Variants in HNF4G observed in about 807,000 individuals in gnomAD.
HNF4G encodes hepatocyte nuclear factor 4-gamma.
A neutral mutation model predicts 50.9 loss-of-function variants in HNF4G; 21 were observed. The ratio of observed to expected loss-of-function variants is 0.41; its 90% CI spans 0.29 to 0.59. The LOEUF (loss-of-function observed/expected upper bound fraction) is 0.59, where lower values mean the gene tolerates loss of function less well. HNF4G is among the 20% of genes least tolerant of loss of function. The probability of loss-of-function intolerance (pLI) is 0.26; values close to 1 mark genes in which losing one functional copy is unlikely to be tolerated. For synonymous variants in HNF4G, 198 were observed against 185.6 expected (o/e 1.07, Z -0.54); for missense variants, 527 against 559.4 (o/e 0.94, Z 0.58).
intron 1 of HNF4G, among the ~76,000 whole-genome samples, chr8:75,479,823 GAT>G (rs1812333580): frequency 6.6e-6 from 1 of 151,954 alleles, no homozygotes; most frequent in Non-Finnish European, 1.5e-5. Context: ...ATTTCCAGAA[GAT>G]TATCCATCAC....
intron 1 of HNF4G, 39 bp from the exon 2 acceptor site, chr8:75,543,772 G>C (rs761091120): frequency 4.0e-5 from 61 of 1,543,034 alleles, no homozygotes; most frequent in Non-Finnish European, 5.0e-5. Context: ...TCAGGAAATA[G>C]TACTAACTCT....
chr8:75,494,157 C>A (rs2977914), intron 2 of HNF4G, among the ~76,000 whole-genome samples: 34,581 of 151,946 alleles, frequency 0.23, 5,131 homozygotes, highest in African/African-American at 0.42. Flanking sequence ...AACATCAAAC[C>A]TTCCTGCAAA....
chr8:75,546,372 T>C (rs1282856247), intron 2 of HNF4G, among the ~76,000 whole-genome samples: 1 of 152,144 alleles, frequency 6.6e-6, no homozygotes, highest in Non-Finnish European at 1.5e-5. Flanking sequence ...GTACTCTTTT[T>C]TATGTGTTTG....
intron 1 of HNF4G, among the ~76,000 whole-genome samples, chr8:75,470,126 G>C (rs1812079835): frequency 6.6e-6 from 1 of 152,190 alleles, no homozygotes; most frequent in Non-Finnish European, 1.5e-5. Flanking sequence ...CCAGAGCAAA[G>C]TAGGGTGTAA....
intron 2 of HNF4G, among the ~76,000 whole-genome samples, chr8:75,499,275 T>C (rs1812862221): frequency 6.6e-6 from 1 of 151,972 alleles, no homozygotes; most frequent in African/African-American, 2.4e-5. Context: ...AATAATTTCA[T>C]TAACAATAGC....
Position 75,566,415 on chromosome 8 carries a change from G to A in HNF4G, c.*2319G>A, listed in dbSNP as rs1424250209. On this transcript the variant is annotated 3_prime_UTR_variant, in exon 10 of 10. Coordinates refer to ENST00000396423, the MANE Select transcript of HNF4G (RefSeq NM_004133.5). ...GTATAAAAGATAAAATTCATTTTTA[G>A]TGAACCCTGTAATTTATTCGTGTAT... 6.6e-6 allele frequency: 1 copy of A among 152,498 alleles called. No individual in the cohort carries two copies. Among genetic ancestry groups the A allele is most frequent in the East Asian group, 1.9e-4 (1 of 5,190 alleles). The allele number at this position is 152,498 out of a possible 1,614,324, so 9.4% of individuals were successfully genotyped here.
At chr8:75,438,512 C>A (rs1185492921) in intron 1 of HNF4G, among the ~76,000 whole-genome samples, 1 of 152,020 alleles carries the variant, frequency 6.6e-6, no homozygotes, top group Non-Finnish European at 1.5e-5. Context: ...TTGATTAATT[C>A]CTTTCTTTCC....
intron 1 of HNF4G, among the ~76,000 whole-genome samples, chr8:75,451,118 C>G (rs1367426223): frequency 2.0e-5 from 3 of 152,120 alleles, no homozygotes; most frequent in Non-Finnish European, 2.9e-5. Flanking sequence ...ACTCCATTGG[C>G]CATGTGTATG....
chr8:75,453,050 A>T (rs1585857360), intron 1 of HNF4G, among the ~76,000 whole-genome samples: 1 of 152,228 alleles, frequency 6.6e-6, no homozygotes, highest in African/African-American at 2.4e-5. Context: ...CAATCATGTC[A>T]GGCCTTCTTA....
At chr8:75,517,466 G>A (rs1805922603) in intron 2 of HNF4G, among the ~76,000 whole-genome samples, 2 of 152,120 alleles carry the variant, frequency 1.3e-5, no homozygotes, top group Admixed American at 6.5e-5. Context: ...ATACGATGGG[G>A]GTACAGGCAT....
intron 1 of HNF4G, among the ~76,000 whole-genome samples, chr8:75,422,670 GTCACCCAGGC>G (rs1349724506): frequency 6.8e-6 from 1 of 147,856 alleles, no homozygotes; most frequent in Admixed American, 6.8e-5. Flanking sequence ...GTCTCACTCT[GTCACCCAGGC>G]TGGAGTGCGG....
At chr8:75,498,079 T>A (rs1391607407) in intron 2 of HNF4G, among the ~76,000 whole-genome samples, 1 of 152,094 alleles carries the variant, frequency 6.6e-6, no homozygotes, top group African/African-American at 2.4e-5. Flanking sequence ...AAGATATGCT[T>A]AATGCAAGAG....
At chr8:75,533,095 A>G (rs906308620) in intron 2 of HNF4G, among the ~76,000 whole-genome samples, 23 of 152,034 alleles carry the variant, frequency 1.5e-4, no homozygotes, top group Admixed American at 1.1e-3. Flanking sequence ...AAATGTACTC[A>G]TGTACTCAGT....
chr8:75,440,446 G>A (rs533604041), intron 1 of HNF4G, among the ~76,000 whole-genome samples: 23 of 152,236 alleles, frequency 1.5e-4, no homozygotes, highest in Admixed American at 2.6e-4. Context: ...AACACCAACT[G>A]CTTTTTAAAA....
chr8:75,527,920 A>G (rs1806225564), intron 2 of HNF4G, among the ~76,000 whole-genome samples: 1 of 152,162 alleles, frequency 6.6e-6, no homozygotes, highest in Non-Finnish European at 1.5e-5. Context: ...GCTCTCTGTT[A>G]TTTGATAGGA....
chr8:75,543,682 G>A, intron 1 of HNF4G, 129 bp from the exon 2 acceptor site: 2 of 673,894 alleles, frequency 3.0e-6, no homozygotes, highest in Non-Finnish European at 4.8e-6. Context: ...GGGGTTAAAA[G>A]GAAAGCACCA....
At chr8:75,419,344 A>C (rs1810724928) in intron 1 of HNF4G, among the ~76,000 whole-genome samples, 1 of 152,130 alleles carries the variant, frequency 6.6e-6, no homozygotes, top group African/African-American at 2.4e-5. Flanking sequence ...TTAATTTATA[A>C]ATGGTGAGTT....
rs141925251 is a variant in HNF4G at position 75,409,107 on chromosome 8, G to A, written c.-144+945G>A. ...CCACCTGATCTGCTGTGTGGTCGAA[G>A]TAGGTGACCAAGTAGTGTTGGGCTC... On this transcript the variant is annotated intron_variant, in intron 1 of 10. Transcript: ENST00000354370. Among the ~76,000 whole-genome samples, 216 of 152,274 alleles carry A rather than the reference G, an allele frequency of 1.4e-3. 1 individual carries two copies. The highest frequency in any genetic ancestry group is 9.5e-3 in the East Asian group (49 of 5,170).
Position 75,409,866 on chromosome 8 carries a change from T to C in HNF4G, c.-144+1704T>C, listed in dbSNP as rs553804934. Among the ~76,000 whole-genome samples the C allele has an allele frequency of 4.6e-5, 7 of 152,286 alleles. No homozygotes were observed. In the South Asian group the frequency reaches 1.0e-3, roughly 23 times the overall value. ...TTCTCATAAAACAACATCAAAATCG[T>C]AGTAAAATAGAAAAAGAGCCCCCTC... On this transcript the variant is annotated intron_variant, in intron 1 of 10. Transcript: ENST00000354370.
Sources: gnomAD v4.1 joint callset for allele counts (sites outside exome capture counted in the v4.1 genomes callset) on GRCh38, gnomAD v4.1.1 for gene constraint, MANE v1.5 for transcripts, NCBI Gene and HGNC (gene_info 2026-07-23, HGNC 2026-07-21) for gene names.